Variants in HS3ST3A1 observed in about 807,000 individuals in gnomAD.
The protein encoded by HS3ST3A1 is heparan sulfate-glucosamine 3-sulfotransferase 3A1, also known as heparan sulfate glucosamine 3-O-sulfotransferase 3A1.
Under a neutral mutation model 25.7 loss-of-function variants are expected in HS3ST3A1, and 19 were observed. The observed-to-expected ratio is 0.74, with a 90% confidence interval of 0.52 to 1.08. The LOEUF is 1.08. Among genes scored for constraint, HS3ST3A1 ranks in the 50% least tolerant of loss-of-function variants. The pLI is 0.00. For synonymous variants in HS3ST3A1, 226 were observed against 278.6 expected, an observed-to-expected ratio of 0.81 and a Z score of 1.88; for missense variants, 459 against 594.3, an observed-to-expected ratio of 0.77 and a Z score of 2.37.
intron 1 of HS3ST3A1, among the ~76,000 whole-genome samples, chr17:13,507,580 G>A (rs151038314): frequency 4.6e-5 from 7 of 152,240 alleles, no homozygotes; most frequent in African/African-American, 1.7e-4. Flanking sequence ...GAAATCTTCC[G>A]AACAGGTAAT....
intron 1 of HS3ST3A1, among the ~76,000 whole-genome samples, chr17:13,516,617 A>T (rs889229402): frequency 2.4e-4 from 36 of 152,308 alleles, no homozygotes; most frequent in African/African-American, 7.9e-4. Flanking sequence ...ATTTCAACAT[A>T]CTTTAATTTT....
chr17:13,553,467 C>T (rs1907294165), intron 1 of HS3ST3A1, among the ~76,000 whole-genome samples: 1 of 152,136 alleles, frequency 6.6e-6, no homozygotes, highest in Non-Finnish European at 1.5e-5. Flanking sequence ...GGATACTGTG[C>T]CTTCTCTCTT....
chr17:13,586,039 G>A, intron 1 of HS3ST3A1, among the ~76,000 whole-genome samples: 1 of 151,474 alleles, frequency 6.6e-6, no homozygotes, highest in East Asian at 2.0e-4. Flanking sequence ...AGTAGAGACG[G>A]GGTTTCACCA....
rs554775122 is a variant in HS3ST3A1 at position 13,498,121 on chromosome 17, C to T, written c.600-1303G>A. Among the ~76,000 whole-genome samples, 35 of 152,278 alleles carry T rather than the reference C, an allele frequency of 2.3e-4. 2 individuals are homozygous for T. The South Asian group carries it at 6.8e-3, about 30-fold the overall frequency. On this transcript the variant is annotated intron_variant, in intron 1 of 1. Transcript: ENST00000284110. ...TTTATAAATCCCCTCATTTCTGCTG[C>T]CCCAGCAGGCCAGTTAGATTATTTT...
At chr17:13,588,204 G>C (rs961880313) in intron 1 of HS3ST3A1, among the ~76,000 whole-genome samples, 3 of 151,828 alleles carry the variant, frequency 2.0e-5, no homozygotes, top group Admixed American at 2.0e-4. Flanking sequence ...AAGCAGAATT[G>C]AGTGGTTGTG....
At chr17:13,519,114 A>G (rs1906143735) in intron 1 of HS3ST3A1, among the ~76,000 whole-genome samples, 1 of 152,214 alleles carries the variant, frequency 6.6e-6, no homozygotes, top group Admixed American at 6.5e-5. Flanking sequence ...GTACTTCCAT[A>G]CACTGAAAGT....
chr17:13,593,248 A>AG (rs1227203220), intron 1 of HS3ST3A1, among the ~76,000 whole-genome samples: 18 of 151,026 alleles, frequency 1.2e-4, no homozygotes, highest in African/African-American at 4.2e-4. Context: ...AAAAAAAAAA[A>AG]AAAAAGTCAT....
At chr17:13,562,030 T>C (rs779589333) in intron 1 of HS3ST3A1, among the ~76,000 whole-genome samples, 4 of 152,098 alleles carry the variant, frequency 2.6e-5, no homozygotes, top group Non-Finnish European at 4.4e-5. Flanking sequence ...ACGCCGCCCA[T>C]GTCCCTTATA....
Position 13,496,127 on chromosome 17 carries a change from GTCTCT to G in HS3ST3A1, c.*65_*69del, listed in dbSNP as rs1644446966. ...ATATTTTCAGCACAAATATTAAACTGTCTCTTCTCTACCGATTGGTAAAAAAATAT... is the reference window on the plus strand; with the variant it reads ...ATATTTTCAGCACAAATATTAAACTGTCTCTACCGATTGGTAAAAAAATAT... On this transcript the variant is annotated 3_prime_UTR_variant, in exon 2 of 2. Coordinates refer to ENST00000284110, the MANE Select transcript of HS3ST3A1 (RefSeq NM_006042.3). The G allele has an allele frequency of 2.8e-6, 4 of 1,404,946 alleles. No individual in the cohort carries two copies. Among genetic ancestry groups the G allele is most frequent in the African/African-American group, 1.5e-5 (1 of 68,766 alleles). 87.0% of individuals were successfully genotyped at this position (1,404,946 alleles called of 1,614,324 possible). A position where few individuals can be genotyped will look rare whatever the true frequency, so the allele number is the denominator to read the frequency against.
chr17:13,525,543 A>C (rs1906384162), intron 1 of HS3ST3A1, among the ~76,000 whole-genome samples: 1 of 152,152 alleles, frequency 6.6e-6, no homozygotes, highest in South Asian at 2.1e-4. Context: ...CTTTTGCATG[A>C]TACTCAGTTA....
At chr17:13,589,306 G>T (rs1020718236) in intron 1 of HS3ST3A1, among the ~76,000 whole-genome samples, 3 of 152,174 alleles carry the variant, frequency 2.0e-5, no homozygotes, top group African/African-American at 7.2e-5. Flanking sequence ...TCCAAGGCCT[G>T]TTCTCCAATT....
At chr17:13,497,863 C>T (rs1197390730) in intron 1 of HS3ST3A1, among the ~76,000 whole-genome samples, 1 of 152,116 alleles carries the variant, frequency 6.6e-6, no homozygotes, top group Non-Finnish European at 1.5e-5. Flanking sequence ...AGATTTGTTA[C>T]TTTTGTTCAT....
chr17:13,563,007 G>A (rs968146814), intron 1 of HS3ST3A1, among the ~76,000 whole-genome samples: 5 of 151,648 alleles, frequency 3.3e-5, no homozygotes, highest in African/African-American at 7.3e-5. Context: ...TGAGTCAGAC[G>A]TAAAGGGGCC....
intron 1 of HS3ST3A1, among the ~76,000 whole-genome samples, chr17:13,548,991 C>T (rs1031414861): frequency 2.6e-5 from 4 of 152,216 alleles, no homozygotes; most frequent in African/African-American, 7.2e-5. Flanking sequence ...CCACCCGAGC[C>T]CGCAGCAGCG....
At chr17:13,563,994 A>G (rs1248478784) in intron 1 of HS3ST3A1, among the ~76,000 whole-genome samples, 1 of 152,242 alleles carries the variant, frequency 6.6e-6, no homozygotes, top group Non-Finnish European at 1.5e-5. Flanking sequence ...CGATTGCACA[A>G]TAAAACATTT....
chr17:13,585,907 T>A (rs1908252369), intron 1 of HS3ST3A1, among the ~76,000 whole-genome samples: 1 of 137,146 alleles, frequency 7.3e-6, no homozygotes, highest in Admixed American at 7.9e-5. Flanking sequence ...TGGAGTACAG[T>A]GGCGCAATCT....
At chr17:13,529,870 T>TC (rs56146931) in intron 1 of HS3ST3A1, among the ~76,000 whole-genome samples, 8 of 151,326 alleles carry the variant, frequency 5.3e-5, no homozygotes, top group South Asian at 2.1e-4. Flanking sequence ...GTTCTAGAGC[T>TC]CCCCCCCACC....
At position 13,601,188 on chromosome 17, in the gene HS3ST3A1, G is replaced by A; in HGVS notation, c.-59C>T. ...CCATGCTAGGCCTGGACCCCGACAG[G>A]TGCCAGAGCATCCCCCCGGCGGGCC... On this transcript the variant is annotated 5_prime_UTR_variant, in exon 1 of 2. Transcript: ENST00000284110. The A allele has an allele frequency of 1.6e-6, 2 of 1,289,132 alleles. No homozygotes were observed. The highest frequency in any genetic ancestry group is 1.0e-6 in the Non-Finnish European group (1 of 977,200). 79.9% of individuals were successfully genotyped at this position (1,289,132 alleles called of 1,614,324 possible). A position where few individuals can be genotyped will look rare whatever the true frequency, so the allele number is the denominator to read the frequency against.
rs922893978 is a variant in HS3ST3A1 at position 13,495,198 on chromosome 17, A to G, written c.*999T>C. Among the ~76,000 whole-genome samples, 1 of 152,096 alleles carries G rather than the reference A, an allele frequency of 6.6e-6. No homozygotes were observed. The highest frequency in any genetic ancestry group is 2.4e-5 in the African/African-American group (1 of 41,390). On this transcript the variant is annotated 3_prime_UTR_variant, in exon 2 of 2. Coordinates refer to ENST00000284110, the MANE Select transcript of HS3ST3A1 (RefSeq NM_006042.3). ...CAAATGGGTAAGTTACGTTCCTAAC[A>G]CATCTTGTGCTACCCCTAGTGTGGC...
Sources: allele counts gnomAD v4.1 joint callset (sites outside exome capture counted in the v4.1 genomes callset), GRCh38; gene constraint gnomAD v4.1.1; transcripts MANE v1.5; gene names NCBI Gene and HGNC (gene_info 2026-07-23, HGNC 2026-07-21).